Variants in ICE2 observed in about 807,000 individuals in gnomAD.
ICE2 encodes little elongation complex subunit 2.
In ICE2, 87 loss-of-function variants were observed where a neutral mutation model predicts 105.4. That is an observed-to-expected ratio of 0.83 (90% CI 0.69 to 0.99). The LOEUF (loss-of-function observed/expected upper bound fraction) is 0.99, where lower values mean the gene tolerates loss of function less well. Among genes scored for constraint, ICE2 ranks in the 50% least tolerant of loss-of-function variants. ICE2 has a pLI of 0.00. For missense variants in ICE2, 1,323 were observed against 1,146.7 expected, an observed-to-expected ratio of 1.15 and a Z score of -2.22; for synonymous variants, 399 against 392.0, an observed-to-expected ratio of 1.02 and a Z score of -0.21.
chr15:60,429,177 A>G (rs2063401898), intron 14 of ICE2, among the ~76,000 whole-genome samples: 1 of 152,248 alleles, frequency 6.6e-6, no homozygotes, highest in African/African-American at 2.4e-5. Context: ...TCACAGTACA[A>G]CATGAGGTGC....
chr15:60,423,626 T>A lies in ICE2; in HGVS notation c.*8A>T, dbSNP rs1346685302. On this transcript the variant is annotated 3_prime_UTR_variant, in exon 16 of 16. Transcript: ENST00000261520. Reference sequence around the variant, plus strand: ...TTTTTTTAAATTTAGTTTTCCATGGTACAGTCCTCAAGTTATTTTTCTTTT... The same window carrying A: ...TTTTTTTAAATTTAGTTTTCCATGGAACAGTCCTCAAGTTATTTTTCTTTT... The A allele has an allele frequency of 2.2e-5, 35 of 1,603,226 alleles. No individual in the cohort carries two copies. The highest frequency in any genetic ancestry group is 2.9e-5 in the Non-Finnish European group (34 of 1,176,304).
intron 2 of ICE2, among the ~76,000 whole-genome samples, chr15:60,477,238 C>T (rs1387311336): frequency 2.0e-5 from 3 of 152,140 alleles, no homozygotes; most frequent in Non-Finnish European, 4.4e-5. Context: ...AGTTTCTGCA[C>T]ATCATATAAA....
chr15:60,454,680 C>A (rs893600880), intron 8 of ICE2: 7 of 191,838 alleles, frequency 3.6e-5, no homozygotes, highest in Non-Finnish European at 7.4e-5. Context: ...ATGGTTCCAA[C>A]CTCTTTTTTC....
intron 12 of ICE2, chr15:60,440,303 T>G (rs963637362): frequency 6.6e-6 from 1 of 152,246 alleles, no homozygotes; most frequent in Non-Finnish European, 1.5e-5. Context: ...AACTGTGTGC[T>G]AAGTGAGGAC....
intron 3 of ICE2, among the ~76,000 whole-genome samples, chr15:60,470,636 A>C (rs1438830219): frequency 6.6e-6 from 1 of 152,172 alleles, no homozygotes; most frequent in Non-Finnish European, 1.5e-5. Flanking sequence ...CTAACAGTAC[A>C]TTTTATTTTT....
In ICE2 at chr15:60,448,986, T is replaced by C. The variant is rs762477239; in HGVS notation, c.1981A>G (p.Arg661Gly). 3.1e-6 allele frequency: 5 copies of C among 1,613,964 alleles called. No individual in the cohort carries two copies. The highest frequency in any genetic ancestry group is 1.1e-5 in the South Asian group (1 of 91,082). ...MQDELLKPIS[R>G]KVPELPLMNL... ...ATTAAGGGCAATTCTGGTACTTTTC[T>C]GGAAATTGGCTTTAAGAGCTCATCC... The change falls in exon 10 of 16, where the codon AGA becomes GGA. Residue 661 changes from arginine to glycine, a missense_variant. Coordinates refer to ENST00000261520, the MANE Select transcript of ICE2 (RefSeq NM_024611.6).
intron 15 of ICE2, among the ~76,000 whole-genome samples, chr15:60,424,420 A>ATGGGCAAAGGGGAAGAGGGGCATTAGAG (rs56371232): frequency 6.7e-6 from 1 of 149,336 alleles, no homozygotes; most frequent in Admixed American, 6.6e-5. Context: ...AATACAGAGG[A>ATGGGCAAAGGGGAAGAGGGGCATTAGAG]TGGGGGAAGG....
intron 5 of ICE2, among the ~76,000 whole-genome samples, chr15:60,460,697 C>T (rs548624296): frequency 3.3e-4 from 50 of 152,234 alleles, no homozygotes; most frequent in Middle Eastern, 3.4e-3. Flanking sequence ...ACCCACTAGA[C>T]GCCATCAGCA....
chr15:60,429,560 T>C lies in ICE2; in HGVS notation c.2562-873A>G, dbSNP rs1402540839. 2.6e-5 allele frequency among the ~76,000 whole-genome samples: 4 copies of C among 152,204 alleles called. No individual in the cohort carries two copies. In the East Asian group the frequency reaches 7.7e-4, roughly 29 times the overall value. The stretch of plus-strand genomic sequence containing the variant: ...GGGATATGAATAAATATATTGTGCT[T>C]TCTTAGGATTACACAGTCCTCTGGA... On this transcript the variant is annotated intron_variant, in intron 14 of 15. Transcript: ENST00000261520.
At chr15:60,436,733 A>G (rs2063599440) in intron 12 of ICE2, among the ~76,000 whole-genome samples, 1 of 151,156 alleles carries the variant, frequency 6.6e-6, no homozygotes. Flanking sequence ...AAAAAAAAAA[A>G]AAAAAAAGAA....
At position 60,423,621 on chromosome 15, in the gene ICE2, C is replaced by T. The variant is rs375893489; in HGVS notation, c.*13G>A. 66 of 1,591,030 alleles carry T rather than the reference C, an allele frequency of 4.1e-5. No homozygotes were observed. Among genetic ancestry groups the T allele is most frequent in the Admixed American group, 7.1e-5 (4 of 56,004 alleles). ...AACTGTTTTTTTAAATTTAGTTTTC[C>T]ATGGTACAGTCCTCAAGTTATTTTT... On this transcript the variant is annotated 3_prime_UTR_variant, in exon 16 of 16. Coordinates refer to ENST00000261520, the MANE Select transcript of ICE2 (RefSeq NM_024611.6).
intron 12 of ICE2, chr15:60,438,753 A>G (rs1023962086): frequency 6.6e-6 from 1 of 152,180 alleles, no homozygotes; most frequent in African/African-American, 2.4e-5. Context: ...TCAACATTGG[A>G]GCTTTCTAAC....
Position 60,447,976 on chromosome 15 carries a change from G to A in ICE2, c.2289C>T (p.Ile763=), listed in dbSNP as rs1392729734. 5.0e-6 allele frequency: 8 copies of A among 1,608,086 alleles called. No individual in the cohort carries two copies. Among genetic ancestry groups the A allele is most frequent in the Non-Finnish European group, 5.9e-6 (7 of 1,177,880 alleles). ...TRPRSKKRKK[I]RRQFPVYVLP... is the part of the protein sequence containing the mutation. ...TCCGCAAATAACAACTTACTCTTCTGATTTTCTTCCGTTTTTTAGAACGTG... is the reference window on the plus strand; with the variant it reads ...TCCGCAAATAACAACTTACTCTTCTAATTTTCTTCCGTTTTTTAGAACGTG... The change falls in exon 11 of 16, where the codon ATC becomes ATT. Residue 763 remains isoleucine (I), a synonymous_variant. Coordinates refer to ENST00000261520, the MANE Select transcript of ICE2 (RefSeq NM_024611.6).
chr15:60,470,981 A>G (rs1283865256), intron 3 of ICE2, among the ~76,000 whole-genome samples: 1 of 152,180 alleles, frequency 6.6e-6, no homozygotes, highest in Non-Finnish European at 1.5e-5. Context: ...ACAAAGGGTG[A>G]GTTACATTCC....
intron 14 of ICE2, among the ~76,000 whole-genome samples, chr15:60,429,644 T>C (rs780238433): frequency 7.2e-5 from 11 of 152,198 alleles, no homozygotes; most frequent in Non-Finnish European, 1.6e-4. Context: ...AATAAAGATT[T>C]ATCATACTTT....
intron 11 of ICE2, among the ~76,000 whole-genome samples, chr15:60,443,312 T>C (rs1371259643): frequency 6.6e-6 from 1 of 152,236 alleles, no homozygotes; most frequent in African/African-American, 2.4e-5. Flanking sequence ...AAACACATGA[T>C]TTAAGGTACT....
chr15:60,464,373 T>TA (rs2064363621), intron 5 of ICE2, among the ~76,000 whole-genome samples: 11 of 152,060 alleles, frequency 7.2e-5, no homozygotes, highest in Admixed American at 5.9e-4. Context: ...GGCACTGTTT[T>TA]ACAAAAACAG....
chr15:60,445,533 T>C (rs2141047291), intron 11 of ICE2: 1 of 951,010 alleles, frequency 1.1e-6, no homozygotes, highest in Non-Finnish European at 1.3e-6. Context: ...AAAATTTTAT[T>C]CTGAGTTTGA....
chr15:60,434,519 TTA>T (rs2063537148), intron 13 of ICE2, among the ~76,000 whole-genome samples: 1 of 112,248 alleles, frequency 8.9e-6, no homozygotes, highest in Non-Finnish European at 1.8e-5. Flanking sequence ...TAAAATGTGA[TTA>T]CACACACACA....
Sources: gnomAD v4.1 joint callset for allele counts (sites outside exome capture counted in the v4.1 genomes callset) on GRCh38, gnomAD v4.1.1 for gene constraint, MANE v1.5 for transcripts, NCBI Gene and HGNC (gene_info 2026-07-23, HGNC 2026-07-21) for gene names.